GALNT13: variants seen among roughly 807,000 people sequenced by gnomAD.
GALNT13 encodes the protein UDP-GalNAc:polypeptide N-acetylgalactosaminyltransferase 13.
A neutral mutation model predicts 64.2 loss-of-function variants in GALNT13; 28 were observed. That is an observed-to-expected ratio of 0.44 (90% CI 0.32 to 0.60). GALNT13 has a LOEUF of 0.60. GALNT13 is among the 20% of genes least tolerant of loss of function. GALNT13 has a pLI of 0.05. For synonymous variants in GALNT13, 214 were observed against 224.6 expected, an observed-to-expected ratio of 0.95 and a Z score of 0.42; for missense variants, 577 against 669.8, an observed-to-expected ratio of 0.86 and a Z score of 1.53.
intron 3 of GALNT13, among the ~76,000 whole-genome samples, chr2:154,060,386 C>T (rs910855833): frequency 1.1e-4 from 17 of 151,988 alleles, no homozygotes; most frequent in African/African-American, 3.1e-4. Flanking sequence ...GACAGAGTTT[C>T]GCTCTGTTGC....
chr2:154,450,365 G>C, intron 12 of GALNT13, 46 bp from the exon 13 acceptor site: 1 of 1,541,870 alleles, frequency 6.5e-7, no homozygotes, highest in Non-Finnish European at 8.8e-7. Context: ...TGCTAGCAAA[G>C]CTAAAGACGA....
At chr2:153,895,517 A>T (rs1687829156) in intron 1 of GALNT13, among the ~76,000 whole-genome samples, 1 of 152,122 alleles carries the variant, frequency 6.6e-6, no homozygotes, top group African/African-American at 2.4e-5. Context: ...ATTAAACTCA[A>T]CATGTAGAAT....
At chr2:154,141,358 A>C (rs1283783640) in intron 4 of GALNT13, among the ~76,000 whole-genome samples, 6 of 152,152 alleles carry the variant, frequency 3.9e-5, no homozygotes, top group Non-Finnish European at 5.9e-5. Context: ...TTTCACTTTT[A>C]AACTGTTTAG....
chr2:153,502,412 A>G, the GALNT13 span, among the ~76,000 whole-genome samples: 1 of 152,228 alleles, frequency 6.6e-6, no homozygotes, highest in Admixed American at 6.5e-5. Context: ...TGCCAATGCC[A>G]TTGTTTTGTT....
chr2:153,836,960 A>G, the GALNT13 span, among the ~76,000 whole-genome samples: 2 of 152,156 alleles, frequency 1.3e-5, no homozygotes, highest in East Asian at 1.9e-4. Flanking sequence ...TAGTGCCGCA[A>G]TAAACATACA....
chr2:154,245,165 T>C (rs1689714488), intron 6 of GALNT13, among the ~76,000 whole-genome samples: 1 of 150,526 alleles, frequency 6.6e-6, no homozygotes, highest in African/African-American at 2.4e-5. Context: ...AGATTAAAGT[T>C]GCTTATCTTT....
chr2:154,126,293 A>T, intron 3 of GALNT13, among the ~76,000 whole-genome samples: 1 of 152,172 alleles, frequency 6.6e-6, no homozygotes, highest in Non-Finnish European at 1.5e-5. Context: ...GTAAAAAAAA[A>T]ATACTGGTGC....
At chr2:153,892,504 C>T (rs1687618952) in intron 1 of GALNT13, among the ~76,000 whole-genome samples, 1 of 151,892 alleles carries the variant, frequency 6.6e-6, no homozygotes, top group Non-Finnish European at 1.5e-5. Context: ...TTGAAAGGCC[C>T]CAGATTTAAA....
the GALNT13 span, among the ~76,000 whole-genome samples, chr2:153,225,171 G>T: frequency 6.6e-6 from 1 of 152,108 alleles, no homozygotes; most frequent in African/African-American, 2.4e-5. Flanking sequence ...TTCAAGGAGG[G>T]TTAAGCTTCA....
the GALNT13 span, among the ~76,000 whole-genome samples, chr2:153,827,027 A>C: frequency 1.3e-5 from 2 of 152,138 alleles, no homozygotes; most frequent in Admixed American, 1.3e-4. Flanking sequence ...ATAAAAACCT[A>C]CCTGAGACTG....
chr2:153,887,084 CA>C (rs1375387827), intron 1 of GALNT13, among the ~76,000 whole-genome samples: 1 of 151,920 alleles, frequency 6.6e-6, no homozygotes, highest in Admixed American at 6.6e-5. Context: ...AACATGAATA[CA>C]ACCCAGGTCT....
intron 3 of GALNT13, among the ~76,000 whole-genome samples, chr2:153,981,624 A>G (rs944510175): frequency 2.0e-5 from 3 of 152,082 alleles, no homozygotes; most frequent in Admixed American, 6.6e-5. Flanking sequence ...TCATTGATGG[A>G]CATTCGGGTT....
At position 154,080,072 on chromosome 2, in the gene GALNT13, T is replaced by A. The variant is rs117054585; in HGVS notation, c.143-60265T>A. On this transcript the variant is annotated intron_variant, in intron 3 of 12. Transcript: ENST00000392825. ...GTTGAATTTTAAAGGAAGTTTAGATTTTTAAAAACCCAACATTGTTGTTAA... is the reference window on the plus strand; with the variant it reads ...GTTGAATTTTAAAGGAAGTTTAGATATTTAAAAACCCAACATTGTTGTTAA... 2.4e-3 allele frequency among the ~76,000 whole-genome samples: 362 copies of A among 151,740 alleles called. 8 individuals are homozygous for A. The East Asian group carries it at 0.054, about 23-fold the overall frequency.
At chr2:153,477,060 GCCTA>G in the GALNT13 span, among the ~76,000 whole-genome samples, 1 of 152,098 alleles carries the variant, frequency 6.6e-6, no homozygotes, top group Admixed American at 6.5e-5. Context: ...CTGTCGTCTC[GCCTA>G]CCTGAGAGCT....
chr2:153,224,089 A>G, the GALNT13 span, among the ~76,000 whole-genome samples: 1 of 152,256 alleles, frequency 6.6e-6, no homozygotes, highest in Non-Finnish European at 1.5e-5. Context: ...TGAATAACCT[A>G]GACTTCCACC....
the GALNT13 span, among the ~76,000 whole-genome samples, chr2:153,170,104 G>A: frequency 6.6e-6 from 1 of 152,032 alleles, no homozygotes; most frequent in Non-Finnish European, 1.5e-5. Context: ...GAAAATTACG[G>A]TTACAGTCTT....
At chr2:153,228,249 C>T in the GALNT13 span, among the ~76,000 whole-genome samples, 2 of 152,112 alleles carry the variant, frequency 1.3e-5, no homozygotes, top group Non-Finnish European at 2.9e-5. Context: ...GTTGTAGTTC[C>T]ATGACTCATA....
At chr2:153,077,748 T>C in the GALNT13 span, among the ~76,000 whole-genome samples, 1 of 152,180 alleles carries the variant, frequency 6.6e-6, no homozygotes. Context: ...TTTATTTGAA[T>C]AGGTAGCAAT....
At chr2:153,676,043 C>A in the GALNT13 span, among the ~76,000 whole-genome samples, 2 of 151,732 alleles carry the variant, frequency 1.3e-5, no homozygotes, top group African/African-American at 4.8e-5. Flanking sequence ...AATTGAGACA[C>A]AAAAAGCTTT....
Sources: allele counts gnomAD v4.1 joint callset (sites outside exome capture counted in the v4.1 genomes callset), GRCh38; gene constraint gnomAD v4.1.1; transcripts MANE v1.5; gene names NCBI Gene and HGNC (gene_info 2026-07-23, HGNC 2026-07-21).